NSD2: variants seen among roughly 807,000 people sequenced by gnomAD.
The protein encoded by NSD2 is nuclear receptor binding SET domain protein 2.
A neutral mutation model predicts 139.0 loss-of-function variants in NSD2; 12 were observed. The ratio of observed to expected loss-of-function variants is 0.09; its 90% CI spans 0.06 to 0.14. The LOEUF (loss-of-function observed/expected upper bound fraction) is 0.14. Ranked by LOEUF, NSD2 falls within the 10% of genes least tolerant of loss-of-function variation. The pLI, the probability that NSD2 is intolerant of heterozygous loss-of-function variation, is 1.00. For synonymous variants in NSD2, 669 were observed against 648.7 expected (o/e 1.03, Z -0.48); for missense variants, 1,155 against 1,745.0 (o/e 0.66, Z 6.02).
At chr4:1,919,930 G>T (rs1719901410) in intron 5 of NSD2, among the ~76,000 whole-genome samples, 1 of 151,406 alleles carries the variant, frequency 6.6e-6, no homozygotes. Flanking sequence ...ATGAGACGCC[G>T]TCTCAAAAAA....
In NSD2 at chr4:1,918,635, G is replaced by C; in HGVS notation, c.1410+12G>C. ...AACACAGGGATGAGGTCAGTACTAA[G>C]TTGTGTTTCATGCTAGCAAGTTTCA... On this transcript the variant is annotated intron_variant, in intron 5 of 21. Coordinates refer to ENST00000508803, the MANE Select transcript of NSD2 (RefSeq NM_001042424.3). The C allele has an allele frequency of 6.2e-7, 1 of 1,609,894 alleles. No individual in the cohort carries two copies. The highest frequency in any genetic ancestry group is 8.5e-7 in the Non-Finnish European group (1 of 1,177,462).
At chr4:1,891,339 T>C (rs549681950) in intron 1 of NSD2, among the ~76,000 whole-genome samples, 1 of 152,214 alleles carries the variant, frequency 6.6e-6, no homozygotes, top group African/African-American at 2.4e-5. Flanking sequence ...AAACTTGGGT[T>C]TTCCATTTCA....
At chr4:1,889,832 A>G (rs1285932956) in intron 1 of NSD2, among the ~76,000 whole-genome samples, 1 of 152,006 alleles carries the variant, frequency 6.6e-6, no homozygotes, top group Non-Finnish European at 1.5e-5. Context: ...TAATTGAGAT[A>G]AAATTCACAT....
chr4:1,941,285 A>G (rs1278488160), intron 9 of NSD2: 6 of 1,056,362 alleles, frequency 5.7e-6, no homozygotes, highest in African/African-American at 1.7e-5. Context: ...TTCTGTTATC[A>G]TAATTTTGGT....
intron 11 of NSD2, 93 bp from the exon 12 acceptor site, chr4:1,953,231 A>C (rs1345969193): frequency 6.2e-7 from 1 of 1,605,704 alleles, no homozygotes; most frequent in Non-Finnish European, 8.5e-7. Context: ...GCTGCCTCTG[A>C]AGAGGAGTTG....
intron 5 of NSD2, among the ~76,000 whole-genome samples, chr4:1,927,229 G>A (rs1721026975): frequency 6.6e-6 from 1 of 152,094 alleles, no homozygotes; most frequent in African/African-American, 2.4e-5. Context: ...GAAAGAGCAA[G>A]GTGGATATCT....
chr4:1,876,576 C>T (rs1714277158), intron 1 of NSD2, among the ~76,000 whole-genome samples: 1 of 151,920 alleles, frequency 6.6e-6, no homozygotes, highest in Non-Finnish European at 1.5e-5. Flanking sequence ...CCTATAGTCC[C>T]AGATACTTGG....
At chr4:1,932,802 G>A (rs1721822799) in intron 6 of NSD2, among the ~76,000 whole-genome samples, 1 of 152,198 alleles carries the variant, frequency 6.6e-6, no homozygotes, top group African/African-American at 2.4e-5. Flanking sequence ...GTTTCTGTAA[G>A]AAGCGGCTGC....
chr4:1,916,865 A>C lies in NSD2; in HGVS notation c.761-6A>C. 1 of 1,588,532 alleles carries C rather than the reference A, an allele frequency of 6.3e-7. No homozygotes were observed. The highest frequency in any genetic ancestry group is 8.5e-7 in the Non-Finnish European group (1 of 1,170,120). ...TCATTCTCTAACATTTTATTTTAAA[A>C]ACTAGGTCAGAAAAAGAGTGCACGC... is the stretch of plus-strand genomic sequence containing the variant. On this transcript the variant is annotated splice_polypyrimidine_tract_variant and splice_region_variant and intron_variant, in intron 3 of 21. Transcript: ENST00000508803.
chr4:1,930,017 G>A (rs765410065), intron 5 of NSD2, among the ~76,000 whole-genome samples: 2 of 152,160 alleles, frequency 1.3e-5, no homozygotes, highest in Non-Finnish European at 2.9e-5. Flanking sequence ...GGTGGGGCCC[G>A]GGAGTCTGCA....
chr4:1,926,579 T>A (rs1450749416), intron 5 of NSD2, among the ~76,000 whole-genome samples: 8 of 151,734 alleles, frequency 5.3e-5, no homozygotes, highest in Admixed American at 5.3e-4. Flanking sequence ...CAAGCGATCC[T>A]CCCCCCTCAG....
At chr4:1,913,558 T>A (rs1238785569) in intron 3 of NSD2, among the ~76,000 whole-genome samples, 1 of 152,230 alleles carries the variant, frequency 6.6e-6, no homozygotes, top group Non-Finnish European at 1.5e-5. Context: ...AAGTCTTTGA[T>A]CTCTCTGAGA....
At chr4:1,874,272 G>C (rs1308945444) in intron 1 of NSD2, among the ~76,000 whole-genome samples, 1 of 152,138 alleles carries the variant, frequency 6.6e-6, no homozygotes, top group Non-Finnish European at 1.5e-5. Context: ...TAGTAAGTGT[G>C]ACCTTGTTCT....
At chr4:1,902,733 A>G (rs1717350716) in intron 2 of NSD2, among the ~76,000 whole-genome samples, 1 of 152,208 alleles carries the variant, frequency 6.6e-6, no homozygotes, top group Non-Finnish European at 1.5e-5. Flanking sequence ...AAACAAACCA[A>G]ACAAAAAAAT....
At chr4:1,901,408 G>A (rs1717158023) in intron 2 of NSD2, among the ~76,000 whole-genome samples, 157 bp downstream of exon 2, 1 of 152,210 alleles carries the variant, frequency 6.6e-6, no homozygotes, top group Non-Finnish European at 1.5e-5. Context: ...TGGGTTGGAG[G>A]GTGGGCTCCA....
At position 1,978,720 on chromosome 4, in the gene NSD2, C is replaced by G. The variant is rs767126550; in HGVS notation, c.3909C>G (p.Phe1303Leu). Residue 1303 changes from phenylalanine to leucine, a missense_variant, in exon 22 of 22, where the codon TTC (phenylalanine) becomes TTG (leucine). By Grantham distance (22) the Phe-to-Leu change is conservative. Transcript: ENST00000508803. Reference sequence around the variant, plus strand: ...TTTGCCACCTCTGCCCCAATTCGTTCTGTAAGGAGCACCAGGACGGGACAG... The same window carrying G: ...TTTGCCACCTCTGCCCCAATTCGTTGTGTAAGGAGCACCAGGACGGGACAG... ...TSFCHLCPNS[F>L]CKEHQDGTAF... 3.1e-6 allele frequency: 5 copies of G among 1,614,186 alleles called. No individual in the cohort carries two copies. Among genetic ancestry groups the G allele is most frequent in the Non-Finnish European group, 4.2e-6 (5 of 1,180,028 alleles).
intron 6 of NSD2, among the ~76,000 whole-genome samples, chr4:1,931,131 G>C (rs530818687): frequency 5.3e-5 from 8 of 152,236 alleles, no homozygotes; most frequent in African/African-American, 1.9e-4. Context: ...GATGTGGTAG[G>C]GTCAGCCTTC....
chr4:1,978,525 A>G (rs1188194179), intron 21 of NSD2, 113 bp from the exon 22 acceptor site: 1 of 1,441,682 alleles, frequency 6.9e-7, no homozygotes. Flanking sequence ...CGCTGGAGCC[A>G]GCACTATTTT....
At chr4:1,967,992 T>G (rs1474039326) in intron 18 of NSD2, among the ~76,000 whole-genome samples, 1 of 152,198 alleles carries the variant, frequency 6.6e-6, no homozygotes, top group East Asian at 1.9e-4. Context: ...TTTGATACTA[T>G]CTGGGAGAGA....
Sources: gnomAD v4.1 joint callset for allele counts (sites outside exome capture counted in the v4.1 genomes callset) on GRCh38, gnomAD v4.1.1 for gene constraint, MANE v1.5 for transcripts, NCBI Gene and HGNC (gene_info 2026-07-23, HGNC 2026-07-21) for gene names.